The following POU2F1 variants were observed in gnomAD, a reference collection of about 807,000 sequenced individuals.
POU2F1 encodes the protein POU class 2 homeobox 1.
Under a neutral mutation model 84.9 loss-of-function variants are expected in POU2F1, and 16 were observed. That is an observed-to-expected ratio of 0.19 (90% CI 0.13 to 0.29). The LOEUF (loss-of-function observed/expected upper bound fraction) is 0.29. POU2F1 is among the 10% of genes least tolerant of loss of function. POU2F1 has a pLI of 1.00. For synonymous variants in POU2F1, 368 were observed against 368.3 expected (o/e 1.00, Z 0.01); for missense variants, 738 against 942.6 (o/e 0.78, Z 2.84).
intron 1 of POU2F1, among the ~76,000 whole-genome samples, chr1:167,313,602 G>A (rs1208903377): frequency 1.3e-5 from 2 of 151,630 alleles, no homozygotes; most frequent in African/African-American, 4.8e-5. Context: ...AATGACTGAA[G>A]AAAAAAACAA....
chr1:167,335,357 T>C (rs139085534), intron 2 of POU2F1, among the ~76,000 whole-genome samples: 2 of 152,254 alleles, frequency 1.3e-5, no homozygotes, highest in African/African-American at 4.8e-5. Context: ...GGTGTTTCTT[T>C]GAAGAAATTT....
chr1:167,324,529 A>T (rs1656557712), intron 1 of POU2F1, among the ~76,000 whole-genome samples: 2 of 152,216 alleles, frequency 1.3e-5, no homozygotes, highest in Non-Finnish European at 2.9e-5. Flanking sequence ...ACTTGTGTTT[A>T]TGATACTTAG....
At chr1:167,346,854 C>G (rs1384982229) in intron 2 of POU2F1, among the ~76,000 whole-genome samples, 1 of 152,192 alleles carries the variant, frequency 6.6e-6, no homozygotes, top group African/African-American at 2.4e-5. Context: ...GGCTTAGAAT[C>G]TTTCTGTGGT....
In POU2F1 at chr1:167,416,103, A is replaced by G. The variant is rs993285354; in HGVS notation, c.*293A>G. On this transcript the variant is annotated 3_prime_UTR_variant, in exon 16 of 16. Coordinates refer to ENST00000367866, the MANE Select transcript of POU2F1 (RefSeq NM_002697.4). ...ACCAAAAATTAAAAAAAAAAAAAAA[A>G]AAAGAAACAAAAAAATCAAAAACAA... 13 of 541,950 alleles carry G rather than the reference A, an allele frequency of 2.4e-5. No homozygotes were observed. Among genetic ancestry groups the G allele is most frequent in the Admixed American group, 3.2e-5 (1 of 31,546 alleles). 33.6% of individuals were successfully genotyped at this position (541,950 alleles called of 1,614,324 possible).
Position 167,383,489 on chromosome 1 carries a change from G to A in POU2F1, c.719-368G>A, listed in dbSNP as rs148926571. On this transcript the variant is annotated intron_variant, in intron 7 of 15. Coordinates refer to ENST00000367866, the MANE Select transcript of POU2F1 (RefSeq NM_002697.4). ...CTTCTTTTCCTCTGGTCCAACATAC[G>A]CTGGCAGTTTCTAATGGATTCTAGG... The A allele has an allele frequency of 5.0e-3, 789 of 157,034 alleles. 5 individuals carry two copies. The highest frequency in any genetic ancestry group is 0.016 in the African/African-American group (652 of 41,618). The allele number at this position is 157,034 out of a possible 1,614,324, so 9.7% of individuals were successfully genotyped here.
Position 167,271,401 on chromosome 1 carries a change from A to T in POU2F1, c.61+50443A>T, listed in dbSNP as rs1652358164. 2.6e-5 allele frequency among the ~76,000 whole-genome samples: 4 copies of T among 152,330 alleles called. No individual in the cohort carries two copies. The South Asian group carries it at 8.3e-4, about 32-fold the overall frequency. ...TCAACAAGACACCCGAACTGCCAAG[A>T]CTTCACAGGGGTCTCATTGTAGAGA... On this transcript the variant is annotated intron_variant, in intron 1 of 15. Transcript: ENST00000367866.
At chr1:167,252,925 C>A in intron 1 of POU2F1, among the ~76,000 whole-genome samples, 1 of 152,152 alleles carries the variant, frequency 6.6e-6, no homozygotes, top group East Asian at 1.9e-4. Context: ...CTGTGCTGAC[C>A]GCCATTTTGC....
At position 167,416,227 on chromosome 1, in the gene POU2F1, G is replaced by T; in HGVS notation, c.*417G>T. 1.8e-5 allele frequency: 5 copies of T among 285,110 alleles called. No individual in the cohort carries two copies. Among genetic ancestry groups the T allele is most frequent in the South Asian group, 3.4e-5 (1 of 29,560 alleles). 17.7% of individuals were successfully genotyped at this position (285,110 alleles called of 1,614,324 possible). On this transcript the variant is annotated 3_prime_UTR_variant, in exon 16 of 16. Coordinates refer to ENST00000367866, the MANE Select transcript of POU2F1 (RefSeq NM_002697.4). ...AATATAGGAAGGGGATTTCTTGTTTGTCTAAATTTCTTTTTTTCTTAAAAA... is the reference window on the plus strand; with the variant it reads ...AATATAGGAAGGGGATTTCTTGTTTTTCTAAATTTCTTTTTTTCTTAAAAA...
intron 1 of POU2F1, among the ~76,000 whole-genome samples, chr1:167,327,191 G>A (rs1370881334): frequency 1.3e-5 from 2 of 152,216 alleles, no homozygotes; most frequent in African/African-American, 4.8e-5. Flanking sequence ...TGTTTATCCA[G>A]TGACTTGATG....
chr1:167,286,283 T>C (rs1255511074), intron 1 of POU2F1, among the ~76,000 whole-genome samples: 1 of 152,212 alleles, frequency 6.6e-6, no homozygotes, highest in East Asian at 1.9e-4. Context: ...TCTTTCATCC[T>C]TCATGTCAAA....
At chr1:167,406,042 C>A (rs1383692382) in intron 13 of POU2F1, among the ~76,000 whole-genome samples, 1 of 149,796 alleles carries the variant, frequency 6.7e-6, no homozygotes, top group African/African-American at 2.4e-5. Flanking sequence ...ACCCAGATAC[C>A]TAAGCTTAGA....
At chr1:167,273,436 T>C (rs141400439) in intron 1 of POU2F1, among the ~76,000 whole-genome samples, 1 of 152,322 alleles carries the variant, frequency 6.6e-6, no homozygotes, top group African/African-American at 2.4e-5. Flanking sequence ...GCATGAGGCC[T>C]CTGCTCCTGC....
chr1:167,386,942 A>AT (rs1648024715), intron 8 of POU2F1, among the ~76,000 whole-genome samples: 1 of 152,190 alleles, frequency 6.6e-6, no homozygotes, highest in Non-Finnish European at 1.5e-5. Context: ...ATCTACTACT[A>AT]TCTGTAGTAA....
intron 2 of POU2F1, among the ~76,000 whole-genome samples, chr1:167,352,751 C>T (rs933417794): frequency 5.3e-5 from 8 of 152,118 alleles, no homozygotes; most frequent in Admixed American, 5.2e-4. Context: ...AATCTGGCTG[C>T]TTTTACTTAG....
intron 1 of POU2F1, among the ~76,000 whole-genome samples, chr1:167,294,172 C>CAAA (rs60846607): frequency 0.021 from 635 of 30,942 alleles, 30 homozygotes; most frequent in African/African-American, 0.04. Context: ...TACTAAAATA[C>CAAA]AAAAAAAAAA....
At chr1:167,339,211 T>C (rs1176340120) in intron 2 of POU2F1, among the ~76,000 whole-genome samples, 1 of 152,178 alleles carries the variant, frequency 6.6e-6, no homozygotes, top group African/African-American at 2.4e-5. Context: ...CATCATCATA[T>C]TTCCTTCTCT....
chr1:167,294,059 A>G (rs1372288054), intron 1 of POU2F1, among the ~76,000 whole-genome samples: 5 of 150,562 alleles, frequency 3.3e-5, no homozygotes, highest in African/African-American at 4.9e-5. Context: ...ATTCATGACT[A>G]TGGTGGCTCA....
intron 1 of POU2F1, among the ~76,000 whole-genome samples, chr1:167,250,186 A>G (rs1161089935): frequency 1.3e-5 from 2 of 152,112 alleles, no homozygotes; most frequent in African/African-American, 4.8e-5. Context: ...CCTTCCGGAA[A>G]ATAGAGAAGA....
chr1:167,346,631 G>A (rs914121264), intron 2 of POU2F1, among the ~76,000 whole-genome samples: 6 of 152,084 alleles, frequency 3.9e-5, no homozygotes, highest in Non-Finnish European at 1.5e-5. Flanking sequence ...TTCACATTAC[G>A]GTTCACGCGC....
Sources: allele counts gnomAD v4.1 joint callset (sites outside exome capture counted in the v4.1 genomes callset), GRCh38; gene constraint gnomAD v4.1.1; transcripts MANE v1.5; gene names NCBI Gene and HGNC (gene_info 2026-07-23, HGNC 2026-07-21).